The following RIOK2 variants were observed in gnomAD, a reference collection of about 807,000 sequenced individuals.
The protein encoded by RIOK2 is RIO kinase 2, also known as serine/threonine-protein kinase RIO2.
In RIOK2, 46 loss-of-function variants were observed where a neutral mutation model predicts 62.4. The observed-to-expected ratio is 0.74, with a 90% confidence interval of 0.58 to 0.94. RIOK2 has a LOEUF of 0.94. RIOK2 is among the 40% of genes least tolerant of loss of function. The pLI is 0.00. For synonymous variants in RIOK2, 197 were observed against 216.0 expected (o/e 0.91, Z 0.77); for missense variants, 574 against 658.0 (o/e 0.87, Z 1.40).
intron 9 of RIOK2, 101 bp from the exon 10 acceptor site, chr5:97,163,326 G>A: frequency 1.0e-6 from 1 of 955,910 alleles, no homozygotes; most frequent in African/African-American, 1.7e-5. Flanking sequence ...TGAATTTTAA[G>A]ATTCCAAACA....
At chr5:97,172,083 T>TC (rs1322172004) in intron 5 of RIOK2, among the ~76,000 whole-genome samples, 1 of 152,210 alleles carries the variant, frequency 6.6e-6, no homozygotes, top group African/African-American at 2.4e-5. Context: ...TATTTGTACT[T>TC]CATCTTTTTC....
chr5:97,161,547 A>C lies in RIOK2; in HGVS notation c.*1514T>G, dbSNP rs754940983. ...ACTAGCACTAATCTTTGCCCAAATGAGGTAAGGCCTCCATTTCTGATTGGA... is the reference window on the plus strand; with the variant it reads ...ACTAGCACTAATCTTTGCCCAAATGCGGTAAGGCCTCCATTTCTGATTGGA... On this transcript the variant is annotated 3_prime_UTR_variant, in exon 10 of 10. Transcript: ENST00000283109. 6.6e-6 allele frequency: 1 copy of C among 152,176 alleles called. No homozygotes were observed. The highest frequency in any genetic ancestry group is 2.1e-4 in the South Asian group (1 of 4,830). The allele number at this position is 152,176 out of a possible 1,614,324, so 9.4% of individuals were successfully genotyped here. A position where few individuals can be genotyped will look rare whatever the true frequency, so the allele number is the denominator to read the frequency against.
intron 5 of RIOK2, 40 bp from the exon 6 acceptor site, chr5:97,171,437 C>T: frequency 7.1e-7 from 1 of 1,404,126 alleles, no homozygotes; most frequent in Non-Finnish European, 9.5e-7. Context: ...TACTTGTGTT[C>T]ATTTACGGTT....
rs946676009 is a variant in RIOK2, at chr5:97,162,497, C to T, written c.*564G>A. 2.0e-5 allele frequency: 3 copies of T among 152,502 alleles called. No individual in the cohort carries two copies. Among genetic ancestry groups the T allele is most frequent in the African/African-American group, 7.2e-5 (3 of 41,456 alleles). 9.4% of individuals were successfully genotyped at this position (152,502 alleles called of 1,614,324 possible). ...ACTATCTCAAGTAAGTTTCCATTCT[C>T]ATGACCACATTACCAATGTAAGTGG... is the stretch of plus-strand genomic sequence containing the variant. On this transcript the variant is annotated 3_prime_UTR_variant, in exon 10 of 10. Coordinates refer to ENST00000283109, the MANE Select transcript of RIOK2 (RefSeq NM_018343.3).
At chr5:97,179,550 G>A (rs546946033) in intron 1 of RIOK2, among the ~76,000 whole-genome samples, 6 of 151,770 alleles carry the variant, frequency 4.0e-5, no homozygotes, top group African/African-American at 1.2e-4. Flanking sequence ...TGTAGGCATC[G>A]TAGAGGATAT....
intron 5 of RIOK2, among the ~76,000 whole-genome samples, chr5:97,172,122 A>G (rs1017694092): frequency 6.6e-6 from 1 of 152,136 alleles, no homozygotes; most frequent in African/African-American, 2.4e-5. Flanking sequence ...GAGTTCCTCA[A>G]AGGTCAATCC....
chr5:97,171,428 A>T lies in RIOK2; in HGVS notation c.588-31T>A, dbSNP rs774132029. 3.5e-6 allele frequency: 5 copies of T among 1,433,650 alleles called. No individual in the cohort carries two copies. In the Admixed American group the frequency reaches 7.2e-5, roughly 21 times the overall value. 88.8% of individuals were successfully genotyped at this position (1,433,650 alleles called of 1,614,324 possible). A position where few individuals can be genotyped will look rare whatever the true frequency, so the allele number is the denominator to read the frequency against. On this transcript the variant is annotated intron_variant, in intron 5 of 9. Transcript: ENST00000283109. The stretch of plus-strand genomic sequence containing the variant: ...AGTATTTTAAGCATGAAAATAGGTT[A>T]CTTGTGTTCATTTACGGTTTTAACG...
At position 97,168,754 on chromosome 5, in the gene RIOK2, A is replaced by AC; in HGVS notation, c.872+5dup. 3 of 1,555,508 alleles carry AC rather than the reference A, an allele frequency of 1.9e-6. No homozygotes were observed. Among genetic ancestry groups the AC allele is most frequent in the Non-Finnish European group, 2.6e-6 (3 of 1,141,864 alleles). On this transcript the variant is annotated splice_donor_region_variant and intron_variant, in intron 7 of 9. Transcript: ENST00000283109. ...TCTATTATGTAAAGCAATGGGGAGT[A>AC]CAAACCTGATATCCTTAAAAGTTGG... is the stretch of plus-strand genomic sequence containing the variant.
intron 5 of RIOK2, among the ~76,000 whole-genome samples, chr5:97,171,923 A>G (rs316191): frequency 6.6e-6 from 1 of 151,902 alleles, no homozygotes; most frequent in African/African-American, 2.4e-5. Context: ...AATGACTTCA[A>G]TGTTGCTAAA....
rs1748708807 is a variant in RIOK2 at position 97,161,859 on chromosome 5, C to G, written c.*1202G>C. 2 of 152,084 alleles carry G rather than the reference C, an allele frequency of 1.3e-5. No homozygotes were observed. The highest frequency in any genetic ancestry group is 2.4e-5 in the African/African-American group (1 of 41,412). 9.4% of individuals were successfully genotyped at this position (152,084 alleles called of 1,614,324 possible). On this transcript the variant is annotated 3_prime_UTR_variant, in exon 10 of 10. Coordinates refer to ENST00000283109, the MANE Select transcript of RIOK2 (RefSeq NM_018343.3). ...TTGAGAGATTATACAAAATGAATAC[C>G]TGAATTCAAAGATATATCTAAAATG... is the stretch of plus-strand genomic sequence containing the variant.
chr5:97,166,283 C>G lies in RIOK2; in HGVS notation c.1398-1136G>C, dbSNP rs1299833784. ...ATCACTTACTCAAAATCCTGAGCCT[C>G]TGTCACCCCTCTTTTCCTTTTAAGC... On this transcript the variant is annotated intron_variant, in intron 8 of 9. Coordinates refer to ENST00000283109, the MANE Select transcript of RIOK2 (RefSeq NM_018343.3). 3.3e-5 allele frequency: 15 copies of G among 455,284 alleles called. No homozygotes were observed. The East Asian group carries it at 9.0e-4, about 27-fold the overall frequency. The allele number at this position is 455,284 out of a possible 1,614,324, so 28.2% of individuals were successfully genotyped here.
chr5:97,179,896 T>C lies in RIOK2; in HGVS notation c.67-703A>G, dbSNP rs1342672978. On this transcript the variant is annotated intron_variant, in intron 1 of 9. Transcript: ENST00000283109. ...GGTTGATGGGTACAGCAAACCACTA[T>C]AGCATGTGTATACCTATGTAACAAA... 2.2e-5 allele frequency among the ~76,000 whole-genome samples: 3 copies of C among 134,382 alleles called. No individual in the cohort carries two copies. The East Asian group carries it at 6.4e-4, about 29-fold the overall frequency. 88.2% of individuals were successfully genotyped at this position (134,382 alleles called of 152,430 possible).
chr5:97,183,018 G>T, intron 1 of RIOK2, 108 bp downstream of exon 1: 2 of 1,185,148 alleles, frequency 1.7e-6, no homozygotes, highest in Non-Finnish European at 2.5e-6. Context: ...CTTCTGCCAC[G>T]TCCCGGGTCC....
intron 1 of RIOK2, among the ~76,000 whole-genome samples, chr5:97,180,037 T>TA (rs1491356019): frequency 1.6e-5 from 1 of 63,502 alleles, no homozygotes; most frequent in African/African-American, 6.5e-5. Context: ...AATATATATA[T>TA]TATATATATA....
At chr5:97,181,986 TAA>T in intron 1 of RIOK2, among the ~76,000 whole-genome samples, 1 of 152,346 alleles carries the variant, frequency 6.6e-6, no homozygotes, top group Non-Finnish European at 1.5e-5. Flanking sequence ...AGATTAATTT[TAA>T]AAATCCAAAA....
intron 6 of RIOK2, among the ~76,000 whole-genome samples, chr5:97,170,851 G>A (rs771311030): frequency 6.6e-6 from 1 of 152,008 alleles, no homozygotes; most frequent in Non-Finnish European, 1.5e-5. Flanking sequence ...CCCACATCCA[G>A]AATCAATAAT....
At chr5:97,181,098 C>T (rs1561522875) in intron 1 of RIOK2, among the ~76,000 whole-genome samples, 2 of 151,548 alleles carry the variant, frequency 1.3e-5, no homozygotes, top group African/African-American at 4.8e-5. Flanking sequence ...ATGGTGAAAC[C>T]CCATCTCTAC....
At chr5:97,172,498 A>G (rs1749038986) in intron 5 of RIOK2, among the ~76,000 whole-genome samples, 1 of 152,156 alleles carries the variant, frequency 6.6e-6, no homozygotes, top group Admixed American at 6.5e-5. Flanking sequence ...CACCTTCACA[A>G]CTATCACTGT....
At position 97,171,096 on chromosome 5, in the gene RIOK2, A is replaced by G. The variant is rs188749478; in HGVS notation, c.779+110T>C. On this transcript the variant is annotated intron_variant, in intron 6 of 9. Transcript: ENST00000283109. The stretch of plus-strand genomic sequence containing the variant: ...GCATTGCTTGAACCCGGGAGGTGGA[A>G]GTTGCAGTGAGCCGAGATCGCGCCA... The G allele has an allele frequency of 4.2e-3, 2,839 of 669,468 alleles. 80 individuals are homozygous for G. In the African/African-American group the frequency reaches 0.049, roughly 12 times the overall value. 41.5% of individuals were successfully genotyped at this position (669,468 alleles called of 1,614,324 possible).
Sources: allele counts gnomAD v4.1 joint callset (sites outside exome capture counted in the v4.1 genomes callset), GRCh38; gene constraint gnomAD v4.1.1; transcripts MANE v1.5; gene names NCBI Gene and HGNC (gene_info 2026-07-23, HGNC 2026-07-21).